Variants in LHFPL2 observed in about 807,000 individuals in gnomAD.
The protein encoded by LHFPL2 is LHFPL tetraspan subfamily member 2 protein.
Under a neutral mutation model 17.5 loss-of-function variants are expected in LHFPL2, and 7 were observed. The ratio of observed to expected loss-of-function variants is 0.40; its 90% CI spans 0.23 to 0.75. LHFPL2 has a LOEUF of 0.75. Among genes scored for constraint, LHFPL2 ranks in the 30% least tolerant of loss-of-function variants. The pLI is 0.37. For synonymous variants in LHFPL2, 134 were observed against 116.2 expected (o/e 1.15, Z -0.99); for missense variants, 241 against 294.8 (o/e 0.82, Z 1.34).
intron 1 of LHFPL2, among the ~76,000 whole-genome samples, chr5:78,634,055 T>C (rs1358199234): frequency 6.6e-6 from 1 of 152,190 alleles, no homozygotes; most frequent in African/African-American, 2.4e-5. Flanking sequence ...GAGCCCAGTT[T>C]ATCTGCCTCT....
chr5:78,597,346 C>T (rs1743858625), intron 2 of LHFPL2, among the ~76,000 whole-genome samples: 1 of 152,102 alleles, frequency 6.6e-6, no homozygotes, highest in Non-Finnish European at 1.5e-5. Context: ...TCTCCCAACC[C>T]CAGAGTTTTT....
At chr5:78,505,467 G>C (rs1331631873) in intron 4 of LHFPL2, among the ~76,000 whole-genome samples, 1 of 152,228 alleles carries the variant, frequency 6.6e-6, no homozygotes, top group East Asian at 1.9e-4. Flanking sequence ...GTCAGGGGAA[G>C]GGGAGGGGGA....
chr5:78,532,065 C>T (rs949454145), intron 3 of LHFPL2, among the ~76,000 whole-genome samples: 13 of 152,084 alleles, frequency 8.5e-5, no homozygotes, highest in Admixed American at 5.2e-4. Context: ...ACTGGAATTA[C>T]AGGCACGTGC....
chr5:78,508,184 T>C (rs573482454), intron 4 of LHFPL2, among the ~76,000 whole-genome samples: 45 of 152,188 alleles, frequency 3.0e-4, no homozygotes, highest in African/African-American at 1.1e-3. Flanking sequence ...CAAAGGAAGG[T>C]CACATTTTCC....
At chr5:78,525,215 A>T (rs1007608452) in intron 3 of LHFPL2, among the ~76,000 whole-genome samples, 30 of 152,358 alleles carry the variant, frequency 2.0e-4, no homozygotes, top group African/African-American at 5.8e-4. Flanking sequence ...AGGGACTGAG[A>T]TGAGCGTCAA....
At chr5:78,504,101 A>G (rs1427279567) in intron 4 of LHFPL2, among the ~76,000 whole-genome samples, 1 of 152,220 alleles carries the variant, frequency 6.6e-6, no homozygotes, top group East Asian at 1.9e-4. Flanking sequence ...AAACTGATTC[A>G]GACACGGAAC....
At chr5:78,633,380 C>G (rs1745320698) in intron 1 of LHFPL2, among the ~76,000 whole-genome samples, 1 of 152,228 alleles carries the variant, frequency 6.6e-6, no homozygotes, top group Non-Finnish European at 1.5e-5. Context: ...CTCAACACAC[C>G]CCCACCAAAT....
chr5:78,560,363 C>T (rs1464694572), intron 3 of LHFPL2, among the ~76,000 whole-genome samples: 1 of 152,224 alleles, frequency 6.6e-6, no homozygotes, highest in Non-Finnish European at 1.5e-5. Flanking sequence ...CAATATATCT[C>T]CATATTTCTG....
At chr5:78,527,737 G>C (rs1226341809) in intron 3 of LHFPL2, among the ~76,000 whole-genome samples, 1 of 152,072 alleles carries the variant, frequency 6.6e-6, no homozygotes, top group Non-Finnish European at 1.5e-5. Flanking sequence ...ACAGTTTCTA[G>C]TCCCAGCAAA....
At chr5:78,515,623 A>G (rs1398591435) in intron 3 of LHFPL2, among the ~76,000 whole-genome samples, 1 of 152,170 alleles carries the variant, frequency 6.6e-6, no homozygotes, top group Non-Finnish European at 1.5e-5. Flanking sequence ...TGCTTCTTAA[A>G]GTGTGGGTTC....
chr5:78,610,049 C>A (rs1744365060), intron 2 of LHFPL2, among the ~76,000 whole-genome samples: 1 of 152,092 alleles, frequency 6.6e-6, no homozygotes, highest in Non-Finnish European at 1.5e-5. Context: ...ACCTACCTAG[C>A]CTGCCAGGGG....
chr5:78,488,768 G>C lies in LHFPL2; in HGVS notation c.*129C>G. ...CTGGATGTGGCCTCTCATTGGTCCTGTTTAAGCCTCGGGCCGTGGAACGTG... is the reference window on the plus strand; with the variant it reads ...CTGGATGTGGCCTCTCATTGGTCCTCTTTAAGCCTCGGGCCGTGGAACGTG... On this transcript the variant is annotated 3_prime_UTR_variant, in exon 5 of 5. Transcript: ENST00000380345. 9.4e-7 allele frequency: 1 copy of C among 1,062,618 alleles called. No individual in the cohort carries two copies. The highest frequency in any genetic ancestry group is 1.4e-5 in the South Asian group (1 of 69,094). The allele number at this position is 1,062,618 out of a possible 1,614,324, so 65.8% of individuals were successfully genotyped here.
intron 3 of LHFPL2, among the ~76,000 whole-genome samples, chr5:78,541,184 C>G (rs1756102632): frequency 6.6e-6 from 1 of 152,182 alleles, no homozygotes; most frequent in Non-Finnish European, 1.5e-5. Flanking sequence ...TCACCCCAGA[C>G]TCTAAATCCT....
chr5:78,504,398 T>C (rs1338303244), intron 4 of LHFPL2, among the ~76,000 whole-genome samples: 1 of 152,178 alleles, frequency 6.6e-6, no homozygotes, highest in Non-Finnish European at 1.5e-5. Flanking sequence ...CAAGCCCCTG[T>C]TCTGATTTCT....
At chr5:78,568,376 C>T (rs898006076) in intron 2 of LHFPL2, among the ~76,000 whole-genome samples, 1 of 152,196 alleles carries the variant, frequency 6.6e-6, no homozygotes, top group Non-Finnish European at 1.5e-5. Flanking sequence ...CCTTCTGTTA[C>T]ACTTCCGGAT....
intron 2 of LHFPL2, among the ~76,000 whole-genome samples, chr5:78,614,864 T>G (rs559448282): frequency 2.0e-5 from 3 of 152,312 alleles, no homozygotes; most frequent in East Asian, 3.9e-4. Context: ...AATTTACAGA[T>G]GAGGAACTGA....
intron 2 of LHFPL2, among the ~76,000 whole-genome samples, chr5:78,605,372 C>G (rs1325748485): frequency 1.3e-5 from 2 of 152,148 alleles, no homozygotes; most frequent in Non-Finnish European, 2.9e-5. Context: ...AGCAGGGTGA[C>G]TTGTGTCTGG....
intron 2 of LHFPL2, among the ~76,000 whole-genome samples, chr5:78,619,404 G>A (rs1744747007): frequency 6.6e-6 from 1 of 151,944 alleles, no homozygotes; most frequent in Non-Finnish European, 1.5e-5. Flanking sequence ...CTCTCTTGAG[G>A]AGCAAATCTA....
chr5:78,609,475 A>G (rs796859553), intron 2 of LHFPL2, among the ~76,000 whole-genome samples: 53 of 144,168 alleles, frequency 3.7e-4, no homozygotes, highest in Middle Eastern at 3.4e-3. Flanking sequence ...AAAAAAAAAA[A>G]AGAGAGAGAG....
Sources: gnomAD v4.1 joint callset for allele counts (sites outside exome capture counted in the v4.1 genomes callset) on GRCh38, gnomAD v4.1.1 for gene constraint, MANE v1.5 for transcripts, NCBI Gene and HGNC (gene_info 2026-07-23, HGNC 2026-07-21) for gene names.